Variants in GLIPR2 observed in about 807,000 individuals in gnomAD.
GLIPR2 encodes the protein GLI pathogenesis related 2.
In GLIPR2, 21 loss-of-function variants were observed where a neutral mutation model predicts 20.4. That is an observed-to-expected ratio of 1.03 (90% CI 0.73 to 1.48). The LOEUF is 1.48. GLIPR2 is among the 40% of genes most tolerant of loss of function. The pLI, the probability that GLIPR2 is intolerant of heterozygous loss-of-function variation, is 0.00. For missense variants in GLIPR2, 205 were observed against 200.1 expected (o/e 1.02, Z -0.15); for synonymous variants, 91 against 80.5 (o/e 1.13, Z -0.70).
intron 4 of GLIPR2, among the ~76,000 whole-genome samples, chr9:36,155,209 C>T (rs887982045): frequency 6.6e-6 from 1 of 152,180 alleles, no homozygotes; most frequent in South Asian, 2.1e-4. Flanking sequence ...TATATGGATT[C>T]GTTTTTATAT....
intron 4 of GLIPR2, among the ~76,000 whole-genome samples, chr9:36,156,303 C>T (rs1487347311): frequency 7.0e-6 from 1 of 142,474 alleles, no homozygotes; most frequent in Non-Finnish European, 1.5e-5. Flanking sequence ...GGGAGGATTG[C>T]TTGAGTCAAG....
chr9:36,137,039 C>G (rs545314665), intron 1 of GLIPR2, among the ~76,000 whole-genome samples: 1 of 152,120 alleles, frequency 6.6e-6, no homozygotes, highest in Middle Eastern at 3.2e-3. Context: ...TGAGGGGCTG[C>G]GCGCCGCGGC....
chr9:36,150,867 C>A lies in GLIPR2; in HGVS notation c.227-5C>A, dbSNP rs1446464648. The A allele has an allele frequency of 6.2e-7, 1 of 1,605,530 alleles. No homozygotes were observed. The highest frequency in any genetic ancestry group is 1.1e-5 in the South Asian group (1 of 90,694). ...GAGTTTTAGAACAATGTCATTTCCA[C>A]ACAGGAAAGGAGGTGGCTGATAGAT... On this transcript the variant is annotated splice_polypyrimidine_tract_variant and splice_region_variant and intron_variant, in intron 3 of 4. Coordinates refer to ENST00000377960, the MANE Select transcript of GLIPR2 (RefSeq NM_022343.4).
chr9:36,150,778 C>A, intron 3 of GLIPR2, 94 bp from the exon 4 acceptor site: 1 of 838,592 alleles, frequency 1.2e-6, no homozygotes, highest in Non-Finnish European at 2.0e-6. Context: ...CTAATTGCCG[C>A]ATTGGTGGCT....
intron 4 of GLIPR2, among the ~76,000 whole-genome samples, chr9:36,158,807 G>T (rs1451275831): frequency 6.6e-6 from 1 of 152,222 alleles, no homozygotes; most frequent in Admixed American, 6.5e-5. Flanking sequence ...GCTCACGCCC[G>T]TAATCCCAAC....
At chr9:36,158,215 A>G (rs940235949) in intron 4 of GLIPR2, among the ~76,000 whole-genome samples, 1 of 152,204 alleles carries the variant, frequency 6.6e-6, no homozygotes, top group South Asian at 2.1e-4. Context: ...TATACCTAGA[A>G]GTGGAATTGC....
At chr9:36,142,718 C>T (rs1825142585) in intron 1 of GLIPR2, among the ~76,000 whole-genome samples, 1 of 152,046 alleles carries the variant, frequency 6.6e-6, no homozygotes, top group African/African-American at 2.4e-5. Context: ...TTTCTTCCTC[C>T]TCTTTATCTG....
chr9:36,150,921 C>T lies in GLIPR2; in HGVS notation c.276C>T (p.Phe92=), dbSNP rs768963089. 7 of 1,613,920 alleles carry T rather than the reference C, an allele frequency of 4.3e-6. No individual in the cohort carries two copies. In the South Asian group the frequency reaches 5.5e-5, roughly 13 times the overall value. The stretch of plus-strand genomic sequence containing the variant: ...ACAGTGAAATCAAGAACTATAACTT[C>T]CAGCAGCCTGGCTTCACCTCGGGGA... ...RWYSEIKNYN[F]QQPGFTSGTG... The change falls in exon 4 of 5, where the codon TTC becomes TTT. Residue 92 remains phenylalanine (F), a synonymous_variant. Transcript: ENST00000377960.
At chr9:36,144,171 G>T (rs1825218648) in intron 1 of GLIPR2, 1 of 152,140 alleles carries the variant, frequency 6.6e-6, no homozygotes, top group Non-Finnish European at 1.5e-5. Flanking sequence ...CCCCATCTGG[G>T]TCCCATGAGT....
At chr9:36,140,818 C>G (rs555192832) in intron 1 of GLIPR2, among the ~76,000 whole-genome samples, 1 of 152,138 alleles carries the variant, frequency 6.6e-6, no homozygotes, top group African/African-American at 2.4e-5. Context: ...GCGCATGCCC[C>G]CCACCATCCA....
At chr9:36,138,827 G>A (rs767490972) in intron 1 of GLIPR2, among the ~76,000 whole-genome samples, 2 of 152,218 alleles carry the variant, frequency 1.3e-5, no homozygotes, top group Admixed American at 6.5e-5. Flanking sequence ...TGAGGAGACT[G>A]CTCCGCGTGG....
intron 1 of GLIPR2, among the ~76,000 whole-genome samples, chr9:36,139,117 G>A (rs1231750546): frequency 6.6e-6 from 1 of 152,134 alleles, no homozygotes; most frequent in East Asian, 1.9e-4. Context: ...GTGGCCTTGG[G>A]CAGACTTGGT....
chr9:36,140,535 G>C (rs1055448806), intron 1 of GLIPR2, among the ~76,000 whole-genome samples: 4 of 152,184 alleles, frequency 2.6e-5, no homozygotes, highest in Non-Finnish European at 5.9e-5. Flanking sequence ...GTGACAGTAG[G>C]CAGGCAGGGC....
intron 1 of GLIPR2, among the ~76,000 whole-genome samples, chr9:36,137,425 T>A (rs1824874467): frequency 6.6e-6 from 1 of 152,142 alleles, no homozygotes; most frequent in Admixed American, 6.5e-5. Context: ...AGTGGGTCCC[T>A]AGCCCTTACC....
intron 4 of GLIPR2, among the ~76,000 whole-genome samples, chr9:36,152,952 C>CAAAAAAAAAA: frequency 7.1e-5 from 1 of 14,032 alleles, no homozygotes; most frequent in Non-Finnish European, 1.2e-4. Context: ...ACTGAAAGTG[C>CAAAAAAAAAA]AAAAAAAAAA....
At chr9:36,143,568 C>T (rs538045960) in intron 1 of GLIPR2, among the ~76,000 whole-genome samples, 2 of 152,338 alleles carry the variant, frequency 1.3e-5, no homozygotes, top group East Asian at 1.9e-4. Flanking sequence ...GGCCCTTTCC[C>T]GCACACTCAC....
At chr9:36,148,740 T>C in intron 3 of GLIPR2, 90 bp downstream of exon 3, 1 of 824,936 alleles carries the variant, frequency 1.2e-6, no homozygotes, top group Non-Finnish European at 2.0e-6. Context: ...AGCACCCTCG[T>C]GGTGTAGCCA....
intron 4 of GLIPR2, among the ~76,000 whole-genome samples, chr9:36,155,414 G>A (rs1368746811): frequency 2.6e-5 from 4 of 152,028 alleles, no homozygotes; most frequent in Non-Finnish European, 4.4e-5. Flanking sequence ...GGCCAATATG[G>A]TGAATCCTGT....
At chr9:36,151,287 G>A (rs1825573952) in intron 4 of GLIPR2, among the ~76,000 whole-genome samples, 1 of 152,090 alleles carries the variant, frequency 6.6e-6, no homozygotes, top group Admixed American at 6.5e-5. Context: ...GTCACCCTGT[G>A]TCTAGTCTTG....
Sources: gnomAD v4.1 joint callset for allele counts (sites outside exome capture counted in the v4.1 genomes callset) on GRCh38, gnomAD v4.1.1 for gene constraint, MANE v1.5 for transcripts, NCBI Gene and HGNC (gene_info 2026-07-23, HGNC 2026-07-21) for gene names.